The following IGDCC4 variants were observed in gnomAD, a reference collection of about 807,000 sequenced individuals.
The protein encoded by IGDCC4 is likely ortholog of mouse neighbor of Punc E11.
A neutral mutation model predicts 116.6 loss-of-function variants in IGDCC4; 72 were observed. The observed-to-expected ratio is 0.62, with a 90% CI of 0.51 to 0.75. The LOEUF is 0.75. Among genes scored for constraint, IGDCC4 ranks in the 30% least tolerant of loss-of-function variants. IGDCC4 has a pLI of 0.00. For missense variants in IGDCC4, 1,501 were observed against 1,662.4 expected (o/e 0.90, Z 1.69); for synonymous variants, 709 against 719.9 (o/e 0.98, Z 0.24).
Position 65,384,126 on chromosome 15 carries a change from G to A in IGDCC4, c.3636C>T (p.Asp1212=), listed in dbSNP as rs759112383. ...EAASASCSYP[D]LQPGEVLEET... ...CCTCTAGCACCTCGCCTGGCTGGAG[G>A]TCCGGGTAGGAGCAGGAAGCACTGG... Residue 1212 remains aspartate (D), a synonymous_variant, in exon 20 of 20, where the codon GAC becomes GAT. Transcript: ENST00000352385. The surrounding 1 kb of genome is among the most constrained non-coding windows in gnomAD (Gnocchi z 4.9). The A allele has an allele frequency of 5.6e-6, 9 of 1,613,366 alleles. No individual in the cohort carries two copies. Among genetic ancestry groups the A allele is most frequent in the East Asian group, 2.2e-5 (1 of 44,858 alleles).
At chr15:65,401,296 C>T (rs553036183) in intron 4 of IGDCC4, among the ~76,000 whole-genome samples, 71 of 152,298 alleles carry the variant, frequency 4.7e-4, no homozygotes, top group African/African-American at 1.6e-3. Flanking sequence ...GTTATAGTTT[C>T]TAGTTCCAGC....
At chr15:65,418,532 G>C (rs2063163447) in intron 1 of IGDCC4, among the ~76,000 whole-genome samples, 1 of 152,104 alleles carries the variant, frequency 6.6e-6, no homozygotes, top group African/African-American at 2.4e-5. Flanking sequence ...CAAATCCAAA[G>C]GATACCTCAC....
chr15:65,403,155 T>C lies in IGDCC4; in HGVS notation c.564-668A>G, dbSNP rs991367774. 1.2e-4 allele frequency among the ~76,000 whole-genome samples: 19 copies of C among 152,236 alleles called. 1 individual carries two copies. The highest frequency in any genetic ancestry group is 4.6e-4 in the Admixed American group (7 of 15,286). ...AGCAAAAGGCTGGAAACAACCCAAG[T>C]GTTCATCTGCAGGGTGGGAACTGGC... On this transcript the variant is annotated intron_variant, in intron 3 of 19. Transcript: ENST00000352385.
chr15:65,392,095 G>T (rs1184110203), intron 11 of IGDCC4, 39 bp downstream of exon 11: 1 of 1,516,424 alleles, frequency 6.6e-7, no homozygotes, highest in Admixed American at 1.9e-5. Context: ...CCCCACTGAA[G>T]CTACATCCCT....
intron 3 of IGDCC4, among the ~76,000 whole-genome samples, chr15:65,406,101 T>C (rs2063039088): frequency 6.6e-6 from 1 of 152,242 alleles, no homozygotes; most frequent in African/African-American, 2.4e-5. Context: ...CTTAGTTCCA[T>C]GTTTCTTAAA....
intron 18 of IGDCC4, chr15:65,385,476 C>T (rs2091446824): frequency 3.8e-6 from 2 of 525,930 alleles, no homozygotes; most frequent in Admixed American, 3.3e-5. Context: ...TGGTCCCAGT[C>T]CCACTTGGCC....
At chr15:65,397,075 C>A (rs907651829) in intron 5 of IGDCC4, 86 bp from the exon 6 acceptor site, 3 of 1,470,886 alleles carry the variant, frequency 2.0e-6, no homozygotes, top group African/African-American at 2.8e-5. Flanking sequence ...CACTCTGCAC[C>A]CGGATAAAGC....
rs1476725228 is a variant in IGDCC4, at chr15:65,384,685, G to T, written c.3343-266C>A. ...AGGAGGAAGGGCTGAGCGTACTCAG[G>T]CCAGCCACACCCTCAGATCCACGGA... On this transcript the variant is annotated intron_variant, in intron 19 of 19. Transcript: ENST00000352385. This position sits in a 1 kb window ranked among gnomAD's most constrained non-coding sequence, Gnocchi z 4.9. Among the ~76,000 whole-genome samples, 2 of 152,128 alleles carry T rather than the reference G, an allele frequency of 1.3e-5. No individual in the cohort carries two copies. The highest frequency in any genetic ancestry group is 2.9e-5 in the Non-Finnish European group (2 of 68,014).
intron 1 of IGDCC4, among the ~76,000 whole-genome samples, chr15:65,420,644 T>C (rs558587140): frequency 3.3e-5 from 5 of 149,770 alleles, no homozygotes; most frequent in African/African-American, 1.2e-4. Flanking sequence ...CTGCCCCCCA[T>C]CCACCCCTTG....
At chr15:65,406,965 C>A (rs1567090407) in intron 3 of IGDCC4, among the ~76,000 whole-genome samples, 1 of 152,140 alleles carries the variant, frequency 6.6e-6, no homozygotes, top group Non-Finnish European at 1.5e-5. Context: ...CTACAGATTT[C>A]TAAATCCACC....
intron 8 of IGDCC4, among the ~76,000 whole-genome samples, 176 bp from the exon 9 acceptor site, chr15:65,394,724 C>A (rs1184849354): frequency 6.6e-6 from 1 of 152,188 alleles, no homozygotes; most frequent in Non-Finnish European, 1.5e-5. Context: ...GAGGGGACAT[C>A]TTTCCCACCC....
chr15:65,386,819 G>A (rs959047343), intron 16 of IGDCC4, among the ~76,000 whole-genome samples, 163 bp from the exon 17 acceptor site: 2 of 152,164 alleles, frequency 1.3e-5, no homozygotes, highest in Non-Finnish European at 2.9e-5. Flanking sequence ...GAGCCTCACA[G>A]AAACTACTAC....
At position 65,400,924 on chromosome 15, in the gene IGDCC4, C is replaced by T. The variant is rs2062979081; in HGVS notation, c.723G>A (p.Gly241=). ...AHRGSLASTR[G]QDVVIVAAPE... ...GGGCTGCCACAATGACCACGTCCTG[C>T]CCCCTGGTGGACGCCAGGGACCCTG... The change falls in exon 5 of 20, where the codon GGG becomes GGA. Residue 241 remains glycine (G), a synonymous_variant. Coordinates refer to ENST00000352385, the MANE Select transcript of IGDCC4 (RefSeq NM_020962.3). 2 of 1,614,160 alleles carry T rather than the reference C, an allele frequency of 1.2e-6. No individual in the cohort carries two copies. Among genetic ancestry groups the T allele is most frequent in the Non-Finnish European group, 1.7e-6 (2 of 1,180,022 alleles).
intron 1 of IGDCC4, among the ~76,000 whole-genome samples, chr15:65,412,059 A>G (rs768940407): frequency 7.2e-5 from 11 of 152,202 alleles, no homozygotes; most frequent in Non-Finnish European, 1.2e-4. Flanking sequence ...TCTACAGATA[A>G]TTTAAAAAGT....
intron 2 of IGDCC4, 82 bp downstream of exon 2, chr15:65,410,938 C>G (rs541796327): frequency 8.9e-7 from 1 of 1,126,100 alleles, no homozygotes. Flanking sequence ...GGCATTTGTG[C>G]AAGTAACTAA....
rs1181841041 is a variant in IGDCC4 at position 65,395,910 on chromosome 15, G to C, written c.1251C>G (p.Ala417=). 2 of 1,590,284 alleles carry C rather than the reference G, an allele frequency of 1.3e-6. No individual in the cohort carries two copies. The highest frequency in any genetic ancestry group is 1.3e-5 in the African/African-American group (1 of 74,542). ...CGCGCACCACCACGGCCAGCGACGCGGCAGCGCACGCCATTCCCGCGCTGT... is the reference window on the plus strand; with the variant it reads ...CGCGCACCACCACGGCCAGCGACGCCGCAGCGCACGCCATTCCCGCGCTGT... ...AENSAGMACA[A]ASLAVVVREG... Residue 417 remains alanine (A), a synonymous_variant, in exon 7 of 20, where the codon GCC becomes GCG. Transcript: ENST00000352385.
At chr15:65,417,785 G>A (rs1316634722) in intron 1 of IGDCC4, among the ~76,000 whole-genome samples, 5 of 152,032 alleles carry the variant, frequency 3.3e-5, no homozygotes, top group East Asian at 1.9e-4. Flanking sequence ...TTGGTAGGAC[G>A]GGATTTCACC....
At chr15:65,409,080 C>T (rs1278722597) in intron 3 of IGDCC4, among the ~76,000 whole-genome samples, 3 of 152,126 alleles carry the variant, frequency 2.0e-5, no homozygotes, top group Admixed American at 6.6e-5. Flanking sequence ...AGTGATCCTC[C>T]TGCTTCGTCC....
chr15:65,396,303 T>G, intron 6 of IGDCC4, 140 bp from the exon 7 acceptor site: 3 of 888,414 alleles, frequency 3.4e-6, no homozygotes, highest in Non-Finnish European at 5.3e-6. Flanking sequence ...ATTCACCCTT[T>G]CCAAACTACT....
Sources: gnomAD v4.1 joint callset for allele counts (sites outside exome capture counted in the v4.1 genomes callset) on GRCh38, gnomAD v4.1.1 for gene constraint, Gnocchi (gnomAD v3.1) non-coding constraint, MANE v1.5 for transcripts, NCBI Gene and HGNC (gene_info 2026-07-23, HGNC 2026-07-21) for gene names.